ATP6V0D2: variants seen among roughly 807,000 people sequenced by gnomAD.
The protein encoded by ATP6V0D2 is V-type proton ATPase subunit d 2.
Under a neutral mutation model 40.0 loss-of-function variants are expected in ATP6V0D2, and 40 were observed. That is an observed-to-expected ratio of 1.00 (90% CI 0.78 to 1.30). The LOEUF (loss-of-function observed/expected upper bound fraction) is 1.30. Ranked by LOEUF, ATP6V0D2 falls within the 50% of genes most tolerant of loss-of-function variation. The pLI, the probability that ATP6V0D2 is intolerant of heterozygous loss-of-function variation, is 0.00. For synonymous variants in ATP6V0D2, 179 were observed against 156.3 expected (o/e 1.15, Z -1.08); for missense variants, 470 against 423.1 (o/e 1.11, Z -0.97).
At chr8:86,139,156 A>T (rs1046608046) in intron 2 of ATP6V0D2, among the ~76,000 whole-genome samples, 2 of 150,972 alleles carry the variant, frequency 1.3e-5, no homozygotes, top group Non-Finnish European at 2.9e-5. Flanking sequence ...TGAACCCAGG[A>T]GGCGGAGGTT....
intron 1 of ATP6V0D2, among the ~76,000 whole-genome samples, chr8:86,105,014 T>C (rs954860313): frequency 1.3e-5 from 2 of 152,200 alleles, no homozygotes; most frequent in African/African-American, 2.4e-5. Context: ...CCTTATCCCA[T>C]GTTCCTGGAA....
intron 7 of ATP6V0D2, among the ~76,000 whole-genome samples, chr8:86,152,071 C>T (rs190116238): frequency 1.3e-5 from 2 of 152,096 alleles, no homozygotes; most frequent in African/African-American, 4.8e-5. Context: ...GCTATCCCTC[C>T]CCTATTCCCC....
chr8:86,115,124 C>A (rs981731320), intron 2 of ATP6V0D2, among the ~76,000 whole-genome samples: 11 of 151,990 alleles, frequency 7.2e-5, no homozygotes, highest in Admixed American at 5.2e-4. Context: ...CTTTGGGAGA[C>A]AATCTAAGAT....
At position 86,153,716 on chromosome 8, in the gene ATP6V0D2, T is replaced by C. The variant is rs560483204; in HGVS notation, c.*739T>C. 102 of 152,348 alleles carry C rather than the reference T, an allele frequency of 6.7e-4. 2 individuals carry two copies. The highest frequency in any genetic ancestry group is 2.4e-3 in the African/African-American group (99 of 41,572). 9.4% of individuals were successfully genotyped at this position (152,348 alleles called of 1,614,324 possible). Reference sequence around the variant, plus strand: ...AGATTCACAGAAATCCAAAGCTGTATGTAGTCAACATGGTTCACAAGTGTT... The same window carrying C: ...AGATTCACAGAAATCCAAAGCTGTACGTAGTCAACATGGTTCACAAGTGTT... On this transcript the variant is annotated 3_prime_UTR_variant, in exon 8 of 8. Coordinates refer to ENST00000285393, the MANE Select transcript of ATP6V0D2 (RefSeq NM_152565.1).
At chr8:86,150,806 T>G (rs7005074) in intron 6 of ATP6V0D2, among the ~76,000 whole-genome samples, 58,186 of 151,912 alleles carry the variant, frequency 0.38, 12,326 homozygotes, top group African/African-American at 0.56. Flanking sequence ...CCAGCATCCA[T>G]TTGCTCTTGG....
intron 6 of ATP6V0D2, 91 bp downstream of exon 6, chr8:86,150,379 C>A: frequency 2.4e-6 from 3 of 1,241,156 alleles, no homozygotes; most frequent in Non-Finnish European, 3.4e-6. Context: ...CGCTTATACT[C>A]AAAAGAAGTA....
At chr8:86,128,403 A>G (rs180820479) in intron 2 of ATP6V0D2, among the ~76,000 whole-genome samples, 1 of 152,328 alleles carries the variant, frequency 6.6e-6, no homozygotes, top group Non-Finnish European at 1.5e-5. Context: ...AGCTCCTGTG[A>G]TCAAGCCAAA....
At chr8:86,113,043 T>A (rs774385309) in intron 1 of ATP6V0D2, among the ~76,000 whole-genome samples, 2 of 152,100 alleles carry the variant, frequency 1.3e-5, no homozygotes, top group Non-Finnish European at 2.9e-5. Context: ...CAAGTTGGGA[T>A]GGAGCATTTG....
intron 2 of ATP6V0D2, among the ~76,000 whole-genome samples, chr8:86,115,195 G>C (rs1270193401): frequency 1.3e-5 from 2 of 151,984 alleles, no homozygotes; most frequent in East Asian, 3.9e-4. Flanking sequence ...AGAGGGCAGA[G>C]ACTCCTTCTG....
At chr8:86,106,111 C>T (rs1818467835) in intron 1 of ATP6V0D2, among the ~76,000 whole-genome samples, 1 of 146,240 alleles carries the variant, frequency 6.8e-6, no homozygotes, top group African/African-American at 2.5e-5. Flanking sequence ...TAACATGGTG[C>T]TTTTTTTTTT....
chr8:86,148,441 A>C (rs757934444), intron 5 of ATP6V0D2, among the ~76,000 whole-genome samples: 28 of 152,210 alleles, frequency 1.8e-4, no homozygotes, highest in Non-Finnish European at 3.8e-4. Flanking sequence ...TTTCCAGTGA[A>C]ATCTGTTGCA....
intron 6 of ATP6V0D2, among the ~76,000 whole-genome samples, chr8:86,151,067 C>A (rs1238702072): frequency 1.3e-5 from 2 of 152,180 alleles, no homozygotes; most frequent in African/African-American, 4.8e-5. Context: ...CCAAATTCCA[C>A]CCCTTCCACA....
chr8:86,101,807 C>T (rs1010469319), intron 1 of ATP6V0D2, among the ~76,000 whole-genome samples: 1 of 152,094 alleles, frequency 6.6e-6, no homozygotes, highest in African/African-American at 2.4e-5. Context: ...CTGAAGCCAC[C>T]CCACCTGTGC....
At chr8:86,138,189 C>CT (rs1818923043) in intron 2 of ATP6V0D2, among the ~76,000 whole-genome samples, 1 of 152,178 alleles carries the variant, frequency 6.6e-6, no homozygotes. Context: ...GTTCTCCCTT[C>CT]TGCCTTGAAA....
At chr8:86,116,975 A>T (rs549768911) in intron 2 of ATP6V0D2, among the ~76,000 whole-genome samples, 1 of 152,300 alleles carries the variant, frequency 6.6e-6, no homozygotes, top group East Asian at 1.9e-4. Context: ...AGTGAAATTG[A>T]TCATTTCATA....
In ATP6V0D2 at chr8:86,154,210, A is replaced by G. The variant is rs1021942645; in HGVS notation, c.*1233A>G. The G allele has an allele frequency of 8.5e-5, 13 of 152,224 alleles. No individual in the cohort carries two copies. The highest frequency in any genetic ancestry group is 3.1e-4 in the African/African-American group (13 of 41,462). 9.4% of individuals were successfully genotyped at this position (152,224 alleles called of 1,614,324 possible). A position where few individuals can be genotyped will look rare whatever the true frequency, so the allele number is the denominator to read the frequency against. The stretch of plus-strand genomic sequence containing the variant: ...TTGCTTTTCACACCTTTCTTTAAAT[A>G]AAAGGTATATCTCTCTTTCTTGTGG... On this transcript the variant is annotated 3_prime_UTR_variant, in exon 8 of 8. Coordinates refer to ENST00000285393, the MANE Select transcript of ATP6V0D2 (RefSeq NM_152565.1).
intron 2 of ATP6V0D2, among the ~76,000 whole-genome samples, chr8:86,136,013 T>C (rs1563563186): frequency 6.6e-6 from 1 of 152,134 alleles, no homozygotes; most frequent in Non-Finnish European, 1.5e-5. Context: ...CTGGTACCTA[T>C]GTGTGATGGA....
At chr8:86,127,885 G>C (rs1818767574) in intron 2 of ATP6V0D2, among the ~76,000 whole-genome samples, 1 of 152,212 alleles carries the variant, frequency 6.6e-6, no homozygotes. Context: ...CTCCTAGGTA[G>C]AAAGGAAACC....
At chr8:86,108,171 T>C (rs2130232034) in intron 1 of ATP6V0D2, among the ~76,000 whole-genome samples, 1 of 152,334 alleles carries the variant, frequency 6.6e-6, no homozygotes, top group East Asian at 1.9e-4. Flanking sequence ...AGACAGGATC[T>C]CACTCTATTT....
Sources: allele counts gnomAD v4.1 joint callset (sites outside exome capture counted in the v4.1 genomes callset), GRCh38; gene constraint gnomAD v4.1.1; transcripts MANE v1.5; gene names NCBI Gene and HGNC (gene_info 2026-07-23, HGNC 2026-07-21).